Variants in SCIMP observed in about 807,000 individuals in gnomAD.
SCIMP encodes SLP adaptor and CSK interacting membrane protein, also known as SLP adapter and CSK-interacting membrane protein.
A neutral mutation model predicts 22.0 loss-of-function variants in SCIMP; 18 were observed. The ratio of observed to expected loss-of-function variants is 0.82; its 90% CI spans 0.56 to 1.21. SCIMP has a LOEUF of 1.21. SCIMP is among the 50% of genes most tolerant of loss of function. The pLI is 0.00. For synonymous variants in SCIMP, 53 were observed against 62.2 expected (o/e 0.85, Z 0.70); for missense variants, 155 against 171.2 (o/e 0.91, Z 0.53).
At chr17:5,219,692 T>A (rs1182197823) in intron 3 of SCIMP, among the ~76,000 whole-genome samples, 2 of 152,208 alleles carry the variant, frequency 1.3e-5, no homozygotes, top group Non-Finnish European at 2.9e-5. Context: ...AGATAGTTTA[T>A]GTTAATAATG....
chr17:5,216,395 C>T (rs1419834801), intron 3 of SCIMP, among the ~76,000 whole-genome samples: 1 of 151,736 alleles, frequency 6.6e-6, no homozygotes, highest in African/African-American at 2.4e-5. Flanking sequence ...CTGCTGGGCA[C>T]GGTGGCTCAT....
intron 1 of SCIMP, among the ~76,000 whole-genome samples, chr17:5,225,535 C>T (rs897815209): frequency 6.6e-6 from 1 of 152,008 alleles, no homozygotes; most frequent in Non-Finnish European, 1.5e-5. Flanking sequence ...CTGAGGCAGG[C>T]GGATCACATG....
chr17:5,219,212 A>G (rs2074587555), intron 3 of SCIMP, among the ~76,000 whole-genome samples: 1 of 152,250 alleles, frequency 6.6e-6, no homozygotes, highest in African/African-American at 2.4e-5. Flanking sequence ...CCAGCTATTC[A>G]GGAGACTGAG....
At chr17:5,228,842 G>A (rs1242699479) in intron 1 of SCIMP, among the ~76,000 whole-genome samples, 2 of 152,108 alleles carry the variant, frequency 1.3e-5, no homozygotes, top group Non-Finnish European at 2.9e-5. Context: ...ATCACCTGGG[G>A]CAGGACATAC....
intron 3 of SCIMP, among the ~76,000 whole-genome samples, chr17:5,219,152 T>C (rs868853947): frequency 6.6e-6 from 1 of 151,396 alleles, no homozygotes; most frequent in South Asian, 2.1e-4. Flanking sequence ...ACCCCGTCTC[T>C]ACTAAAAATA....
At chr17:5,211,975 G>A (rs1203209556) in intron 4 of SCIMP, among the ~76,000 whole-genome samples, 1 of 152,010 alleles carries the variant, frequency 6.6e-6, no homozygotes, top group Admixed American at 6.6e-5. Context: ...TTGAACCCAG[G>A]TGGCAGAGGT....
At chr17:5,231,226 G>A (rs1259594940) in intron 1 of SCIMP, among the ~76,000 whole-genome samples, 1 of 152,040 alleles carries the variant, frequency 6.6e-6, no homozygotes, top group Non-Finnish European at 1.5e-5. Context: ...CTGGTGTGGT[G>A]GCAGGCGCCT....
chr17:5,220,432 C>CAAAA (rs908309110), intron 3 of SCIMP, among the ~76,000 whole-genome samples: 3 of 63,734 alleles, frequency 4.7e-5, no homozygotes, highest in African/African-American at 1.7e-4. Flanking sequence ...ACCCCATCTC[C>CAAAA]AAAAAAAAAA....
chr17:5,226,800 C>G (rs982554267), intron 1 of SCIMP, among the ~76,000 whole-genome samples: 1 of 151,922 alleles, frequency 6.6e-6, no homozygotes, highest in Non-Finnish European at 1.5e-5. Flanking sequence ...TGAGCCACCA[C>G]GCCCGGCCGA....
chr17:5,220,432 CAAA>C (rs908309110), intron 3 of SCIMP, among the ~76,000 whole-genome samples: 4 of 63,698 alleles, frequency 6.3e-5, no homozygotes, highest in Non-Finnish European at 9.6e-5. Flanking sequence ...ACCCCATCTC[CAAA>C]AAAAAAAAAA....
intron 1 of SCIMP, among the ~76,000 whole-genome samples, chr17:5,229,760 C>T (rs993259216): frequency 6.6e-6 from 1 of 151,840 alleles, no homozygotes; most frequent in African/African-American, 2.4e-5. Context: ...TAGTTATTCA[C>T]GTATTCACAT....
At position 5,209,044 on chromosome 17, in the gene SCIMP, A is replaced by G. The variant is rs903724565; in HGVS notation, c.*1757T>C. 6.6e-6 allele frequency: 1 copy of G among 152,238 alleles called. No individual in the cohort carries two copies. The highest frequency in any genetic ancestry group is 1.5e-5 in the Non-Finnish European group (1 of 68,046). 9.4% of individuals were successfully genotyped at this position (152,238 alleles called of 1,614,324 possible). A position where few individuals can be genotyped will look rare whatever the true frequency, so the allele number is the denominator to read the frequency against. On this transcript the variant is annotated 3_prime_UTR_variant, in exon 5 of 5. Transcript: ENST00000574081. ...CTTATTTTTGTTCTATAATTTGGGAAGAGTCCTCTCTTTGGCTGGTGGGAT... is the reference window on the plus strand; with the variant it reads ...CTTATTTTTGTTCTATAATTTGGGAGGAGTCCTCTCTTTGGCTGGTGGGAT...
At chr17:5,232,411 C>CAGTAT (rs1341295689) in intron 1 of SCIMP, among the ~76,000 whole-genome samples, 82 of 73,046 alleles carry the variant, frequency 1.1e-3, no homozygotes, top group East Asian at 0.01. Flanking sequence ...ATAAACAGTG[C>CAGTAT]AAACAGTGCA....
intron 4 of SCIMP, chr17:5,213,773 AG>A (rs2144306656): frequency 6.6e-6 from 1 of 152,282 alleles, no homozygotes; most frequent in African/African-American, 2.4e-5. Context: ...GCTTGGACCT[AG>A]GAAGTGGAGA....
At chr17:5,223,983 T>A (rs754384188) in intron 1 of SCIMP, among the ~76,000 whole-genome samples, 8 of 152,206 alleles carry the variant, frequency 5.3e-5, no homozygotes, top group African/African-American at 1.4e-4. Context: ...ATCTATAATA[T>A]GGGAATGATA....
intron 3 of SCIMP, 112 bp from the exon 4 acceptor site, chr17:5,215,110 G>T (rs2074556704): frequency 5.1e-5 from 37 of 728,448 alleles, no homozygotes; most frequent in Non-Finnish European, 2.5e-6. Flanking sequence ...TCAAATCTTG[G>T]TCTCTACTAA....
chr17:5,226,658 A>G (rs530970663), intron 1 of SCIMP, among the ~76,000 whole-genome samples: 47 of 151,958 alleles, frequency 3.1e-4, no homozygotes, highest in Admixed American at 1.9e-3. Context: ...GGTGTGTGCC[A>G]CCATGCCCGG....
In SCIMP at chr17:5,234,748, G is replaced by A. The variant is rs1453600295; in HGVS notation, c.8C>T (p.Thr3Ile). 7 of 1,611,442 alleles carry A rather than the reference G, an allele frequency of 4.3e-6. No individual in the cohort carries two copies. The highest frequency in any genetic ancestry group is 5.9e-6 in the Non-Finnish European group (7 of 1,179,106). Reference sequence around the variant, plus strand: ...TGAGATGCTTACCTGAACTGTGAAAGTATCCATATGTGAGCAGCTAAGGAG... The same window carrying A: ...TGAGATGCTTACCTGAACTGTGAAAATATCCATATGTGAGCAGCTAAGGAG... MD[T>I]FTVQDSTAMS... is the part of the protein sequence containing the mutation. The change falls in exon 1 of 5, where the codon ACT (threonine) becomes ATT (isoleucine). Residue 3 changes from threonine (T) to isoleucine (I), a missense_variant. By Grantham distance (89) the Thr-to-Ile change is moderately conservative. Transcript: ENST00000574081.
At chr17:5,213,146 C>G (rs1740624310) in intron 4 of SCIMP, 1 of 984,924 alleles carries the variant, frequency 1.0e-6, no homozygotes, top group Non-Finnish European at 1.2e-6. Context: ...AGTGACACCC[C>G]ATGTTTCTTT....
Sources: gnomAD v4.1 joint callset for allele counts (sites outside exome capture counted in the v4.1 genomes callset) on GRCh38, gnomAD v4.1.1 for gene constraint, MANE v1.5 for transcripts, NCBI Gene and HGNC (gene_info 2026-07-23, HGNC 2026-07-21) for gene names.